Variants in GPR158 observed in about 807,000 individuals in gnomAD.
GPR158 encodes the protein metabotropic glycine receptor.
Under a neutral mutation model 78.2 loss-of-function variants are expected in GPR158, and 30 were observed. The observed-to-expected ratio is 0.38, with a 90% CI of 0.29 to 0.52. The LOEUF (loss-of-function observed/expected upper bound fraction) is 0.52, where lower values mean the gene tolerates loss of function less well. Among genes scored for constraint, GPR158 ranks in the 20% least tolerant of loss-of-function variants. GPR158 has a pLI of 0.83. For synonymous variants in GPR158, 581 were observed against 591.1 expected (o/e 0.98, Z 0.25); for missense variants, 1,463 against 1,523.5 (o/e 0.96, Z 0.66).
At chr10:25,413,199 G>T (rs1299482602) in intron 4 of GPR158, among the ~76,000 whole-genome samples, 1 of 152,172 alleles carries the variant, frequency 6.6e-6, no homozygotes, top group Non-Finnish European at 1.5e-5. Flanking sequence ...CAATGTGGTG[G>T]TGCATGCCTA....
At chr10:25,373,116 G>A (rs1834023852) in intron 2 of GPR158, among the ~76,000 whole-genome samples, 1 of 151,904 alleles carries the variant, frequency 6.6e-6, no homozygotes, top group African/African-American at 2.4e-5. Context: ...ATACTGTGCA[G>A]CCATAAAATA....
chr10:25,321,294 A>G (rs77707259), intron 2 of GPR158, among the ~76,000 whole-genome samples: 6,617 of 152,292 alleles, frequency 0.043, 489 homozygotes, highest in African/African-American at 0.15. Flanking sequence ...ATATGAAAGC[A>G]TCTCTAGATA....
At chr10:25,331,984 A>T (rs948574885) in intron 2 of GPR158, among the ~76,000 whole-genome samples, 7 of 152,194 alleles carry the variant, frequency 4.6e-5, no homozygotes, top group Non-Finnish European at 4.4e-5. Context: ...TAAACAAAAA[A>T]TTGAGTCCAA....
intron 5 of GPR158, among the ~76,000 whole-genome samples, chr10:25,517,605 C>G (rs1484900496): frequency 1.3e-5 from 2 of 152,024 alleles, no homozygotes; most frequent in Admixed American, 1.3e-4. Context: ...TTGTCAAAGG[C>G]CTTTTCTGCA....
At chr10:25,446,302 T>C (rs550756441) in intron 4 of GPR158, among the ~76,000 whole-genome samples, 4 of 152,276 alleles carry the variant, frequency 2.6e-5, no homozygotes, top group African/African-American at 9.6e-5. Flanking sequence ...CAGCTCTCTG[T>C]GAGTCAGGAA....
intron 2 of GPR158, among the ~76,000 whole-genome samples, chr10:25,333,574 C>G (rs1455455698): frequency 6.6e-6 from 1 of 151,910 alleles, no homozygotes; most frequent in Non-Finnish European, 1.5e-5. Context: ...CGCACTTGTC[C>G]CACTGTAACT....
At chr10:25,283,285 A>G (rs1854301766) in intron 2 of GPR158, among the ~76,000 whole-genome samples, 1 of 151,972 alleles carries the variant, frequency 6.6e-6, no homozygotes, top group Non-Finnish European at 1.5e-5. Context: ...ATGGGCATAG[A>G]ATTTTTCATA....
At chr10:25,202,408 G>T (rs566119884) in intron 1 of GPR158, among the ~76,000 whole-genome samples, 1 of 151,592 alleles carries the variant, frequency 6.6e-6, no homozygotes, top group East Asian at 1.9e-4. Flanking sequence ...ACCCACTCCC[G>T]CCACCCCACA....
At chr10:25,195,825 T>C (rs1852836658) in intron 1 of GPR158, among the ~76,000 whole-genome samples, 2 of 152,230 alleles carry the variant, frequency 1.3e-5, no homozygotes, top group Admixed American at 1.3e-4. Context: ...TTCTAACTGT[T>C]AGTCAGAATA....
intron 2 of GPR158, among the ~76,000 whole-genome samples, chr10:25,282,138 C>T (rs1854284055): frequency 6.6e-6 from 1 of 152,120 alleles, no homozygotes; most frequent in Non-Finnish European, 1.5e-5. Flanking sequence ...ATCCACTAGC[C>T]CTCACCCTAG....
chr10:25,506,306 CAT>C (rs1836013212), intron 5 of GPR158, among the ~76,000 whole-genome samples: 1 of 152,206 alleles, frequency 6.6e-6, no homozygotes, highest in African/African-American at 2.4e-5. Context: ...TGTTAAGTCT[CAT>C]AAAGTTATAG....
At chr10:25,185,821 A>T (rs1852676993) in intron 1 of GPR158, among the ~76,000 whole-genome samples, 1 of 151,906 alleles carries the variant, frequency 6.6e-6, no homozygotes, top group African/African-American at 2.4e-5. Context: ...AAAAAAAAAA[A>T]TTCCTGGATA....
intron 1 of GPR158, among the ~76,000 whole-genome samples, chr10:25,201,661 G>A (rs1852931414): frequency 6.6e-6 from 1 of 152,026 alleles, no homozygotes; most frequent in East Asian, 1.9e-4. Flanking sequence ...TTCCTTCAAT[G>A]CCTAGTTTGT....
chr10:25,418,884 C>T (rs1350233650), intron 4 of GPR158, among the ~76,000 whole-genome samples: 2 of 150,100 alleles, frequency 1.3e-5, no homozygotes, highest in African/African-American at 4.9e-5. Context: ...TCCTCTATTG[C>T]TATAATCTTT....
intron 2 of GPR158, among the ~76,000 whole-genome samples, chr10:25,292,075 C>G (rs572426752): frequency 2.6e-5 from 4 of 151,890 alleles, no homozygotes; most frequent in Admixed American, 1.3e-4. Flanking sequence ...TAGATACACA[C>G]CCACACACAT....
intron 1 of GPR158, among the ~76,000 whole-genome samples, chr10:25,211,130 CAAGAAAA>C (rs1489700591): frequency 7.4e-6 from 1 of 135,922 alleles, no homozygotes; most frequent in African/African-American, 2.8e-5. Flanking sequence ...GAGACTGTCT[CAAGAAAA>C]AAGAAAAAAA....
intron 2 of GPR158, among the ~76,000 whole-genome samples, chr10:25,302,046 G>T (rs1393391011): frequency 6.7e-6 from 1 of 150,070 alleles, no homozygotes; most frequent in Non-Finnish European, 1.5e-5. Context: ...TCTGTTTATC[G>T]CATCTATCAG....
chr10:25,200,549 A>G (rs1852908406), intron 1 of GPR158, among the ~76,000 whole-genome samples: 1 of 151,954 alleles, frequency 6.6e-6, no homozygotes, highest in South Asian at 2.1e-4. Flanking sequence ...TTTTTGTTGC[A>G]ATTACTCTTG....
intron 3 of GPR158, among the ~76,000 whole-genome samples, chr10:25,407,318 G>A (rs576149473): frequency 1.3e-5 from 2 of 152,350 alleles, no homozygotes; most frequent in African/African-American, 4.8e-5. Context: ...AGAAGGCAGA[G>A]TTTGGGGATA....
Sources: gnomAD v4.1 joint callset for allele counts (sites outside exome capture counted in the v4.1 genomes callset) on GRCh38, gnomAD v4.1.1 for gene constraint, MANE v1.5 for transcripts, NCBI Gene and HGNC (gene_info 2026-07-23, HGNC 2026-07-21) for gene names.